Variants in ZSWIM5 observed in about 807,000 individuals in gnomAD.
ZSWIM5 encodes the protein zinc finger SWIM domain-containing protein 5.
In ZSWIM5, 55 loss-of-function variants were observed where a neutral mutation model predicts 119.6. The observed-to-expected ratio is 0.46, with a 90% CI of 0.37 to 0.58. The LOEUF is 0.58. Among genes scored for constraint, ZSWIM5 ranks in the 20% least tolerant of loss-of-function variants. The pLI is 0.00. For synonymous variants in ZSWIM5, 537 were observed against 606.9 expected (o/e 0.88, Z 1.69); for missense variants, 1,193 against 1,512.8 (o/e 0.79, Z 3.51).
Position 45,060,218 on chromosome 1 carries a change from T to A in ZSWIM5, c.982A>T (p.Ile328Phe), listed in dbSNP as rs745597839. The change falls in exon 3 of 14, where the codon ATT becomes TTT. Residue 328 changes from isoleucine to phenylalanine, a missense_variant. By Grantham distance (21) the Ile-to-Phe change is conservative. Coordinates refer to ENST00000359600, the MANE Select transcript of ZSWIM5 (RefSeq NM_020883.2). ...GAPDPTAGASIDDENCWHLDE... is the reference protein window; with the variant it reads ...GAPDPTAGASFDDENCWHLDE... ...AAATGCCAACAGTTCTCATCGTCAA[T>A]GCTGGCCCCAGCTGTGGGGTCAGGG... The A allele has an allele frequency of 1.2e-6, 2 of 1,614,084 alleles. No homozygotes were observed. The highest frequency in any genetic ancestry group is 2.2e-5 in the South Asian group (2 of 91,072).
At chr1:45,083,427 T>G (rs2149009758) in intron 2 of ZSWIM5, among the ~76,000 whole-genome samples, 1 of 152,206 alleles carries the variant, frequency 6.6e-6, no homozygotes, top group South Asian at 2.1e-4. Context: ...ATTTTTTGCT[T>G]TTTTGTAGAG....
At chr1:45,027,640 C>T (rs563177606) in intron 11 of ZSWIM5, among the ~76,000 whole-genome samples, 2 of 152,230 alleles carry the variant, frequency 1.3e-5, no homozygotes, top group African/African-American at 4.8e-5. Flanking sequence ...ATATGATTGC[C>T]TCGGCCTCTC....
intron 1 of ZSWIM5, among the ~76,000 whole-genome samples, chr1:45,165,063 G>C (rs1223891473): frequency 6.6e-6 from 1 of 152,040 alleles, no homozygotes; most frequent in East Asian, 1.9e-4. Context: ...CACATAGTTG[G>C]AAGTAAAGCA....
At chr1:45,044,498 C>A (rs1201493532) in intron 5 of ZSWIM5, among the ~76,000 whole-genome samples, 2 of 149,230 alleles carry the variant, frequency 1.3e-5, no homozygotes, top group African/African-American at 2.5e-5. Context: ...CTGAGGTGGG[C>A]GGATCATGAG....
Position 45,167,917 on chromosome 1 carries a change from A to G in ZSWIM5, c.595+37839T>C, listed in dbSNP as rs369491581. On this transcript the variant is annotated intron_variant, in intron 1 of 13. Coordinates refer to ENST00000359600, the MANE Select transcript of ZSWIM5 (RefSeq NM_020883.2). ...CAACCATTGTGGAAGACAGTGTGGC[A>G]ATTCCTCAAGGATCTAGAACTAGAA... Among the ~76,000 whole-genome samples, 29 of 152,138 alleles carry G rather than the reference A, an allele frequency of 1.9e-4. 1 individual carries two copies. The highest frequency in any genetic ancestry group is 1.3e-3 in the Admixed American group (20 of 15,264).
At chr1:45,043,632 T>C (rs904165493) in intron 5 of ZSWIM5, among the ~76,000 whole-genome samples, 11 of 152,196 alleles carry the variant, frequency 7.2e-5, no homozygotes, top group African/African-American at 2.4e-4. Flanking sequence ...GTGCTCTTTA[T>C]AGGAATAACC....
At chr1:45,177,834 A>G (rs1396682042) in intron 1 of ZSWIM5, among the ~76,000 whole-genome samples, 1 of 152,092 alleles carries the variant, frequency 6.6e-6, no homozygotes, top group Non-Finnish European at 1.5e-5. Flanking sequence ...CTATGGCACA[A>G]ACAACACTGA....
chr1:45,096,704 T>C (rs960110457), intron 1 of ZSWIM5, among the ~76,000 whole-genome samples: 1 of 152,170 alleles, frequency 6.6e-6, no homozygotes, highest in African/African-American at 2.4e-5. Flanking sequence ...AGCAAAGCCT[T>C]GCCCTGAGAA....
At chr1:45,100,438 T>C (rs1181177164) in intron 1 of ZSWIM5, among the ~76,000 whole-genome samples, 2 of 152,184 alleles carry the variant, frequency 1.3e-5, no homozygotes, top group African/African-American at 2.4e-5. Flanking sequence ...TGCTCGTGGA[T>C]AGGAAGAATC....
intron 2 of ZSWIM5, among the ~76,000 whole-genome samples, chr1:45,068,614 C>T (rs1243927045): frequency 1.3e-5 from 2 of 151,938 alleles, no homozygotes; most frequent in Non-Finnish European, 2.9e-5. Flanking sequence ...TTCTACTTTT[C>T]ACATTTATAT....
chr1:45,080,592 G>A (rs6702389), intron 2 of ZSWIM5, among the ~76,000 whole-genome samples: 22,652 of 152,116 alleles, frequency 0.15, 2,150 homozygotes, highest in African/African-American at 0.26. Flanking sequence ...ACCAGATATT[G>A]TGAGTGCTCA....
chr1:45,105,722 G>T (rs1265429277), intron 1 of ZSWIM5, among the ~76,000 whole-genome samples: 16 of 145,394 alleles, frequency 1.1e-4, no homozygotes, highest in Non-Finnish European at 1.6e-4. Context: ...CCCCGTCGGG[G>T]AAGTGAGGAG....
chr1:45,099,227 A>G (rs1017326110), intron 1 of ZSWIM5, among the ~76,000 whole-genome samples: 2 of 152,220 alleles, frequency 1.3e-5, no homozygotes, highest in African/African-American at 4.8e-5. Flanking sequence ...ATTACCACCA[A>G]TCCCACAGAA....
intron 1 of ZSWIM5, among the ~76,000 whole-genome samples, chr1:45,132,837 C>A (rs1166523815): frequency 6.6e-6 from 1 of 152,110 alleles, no homozygotes; most frequent in East Asian, 1.9e-4. Flanking sequence ...TGTTCAATTC[C>A]CACCTATAAG....
In ZSWIM5 at chr1:45,057,323, A is replaced by G. The variant is rs894331813; in HGVS notation, c.1252+1286T>C. On this transcript the variant is annotated intron_variant, in intron 4 of 13. Transcript: ENST00000359600. The surrounding 1 kb of genome is among the most constrained non-coding windows in gnomAD (Gnocchi z 4.7). Reference sequence around the variant, plus strand: ...TGAGGGTTTCTTGGATGGTAGGTACAGTAATTTGTTAGATATGAAAATGCC... The same window carrying G: ...TGAGGGTTTCTTGGATGGTAGGTACGGTAATTTGTTAGATATGAAAATGCC... Among the ~76,000 whole-genome samples the G allele has an allele frequency of 3.9e-5, 6 of 152,262 alleles. No individual in the cohort carries two copies. The highest frequency in any genetic ancestry group is 1.4e-4 in the African/African-American group (6 of 41,474).
Position 45,039,228 on chromosome 1 carries a change from A to G in ZSWIM5, c.1757-155T>C, listed in dbSNP as rs1197421573. On this transcript the variant is annotated intron_variant, in intron 7 of 13. Transcript: ENST00000359600. ...CCTTGGGTTGATACGGCTGGCCACAAACATACCAGCCAGCTATAAGGTCAC... is the reference window on the plus strand; with the variant it reads ...CCTTGGGTTGATACGGCTGGCCACAGACATACCAGCCAGCTATAAGGTCAC... Among the ~76,000 whole-genome samples the G allele has an allele frequency of 4.6e-5, 7 of 152,290 alleles. No individual in the cohort carries two copies. In the East Asian group the frequency reaches 1.2e-3, roughly 25 times the overall value.
intron 1 of ZSWIM5, among the ~76,000 whole-genome samples, chr1:45,134,656 CT>C (rs1261484478): frequency 6.6e-6 from 1 of 152,188 alleles, no homozygotes; most frequent in East Asian, 1.9e-4. Context: ...TCATTTCCTT[CT>C]TTTTGGTTTA....
At position 45,072,589 on chromosome 1, in the gene ZSWIM5, G is replaced by C. The variant is rs1003138745; in HGVS notation, c.953-12342C>G. Reference sequence around the variant, plus strand: ...TTAAGTCTTTAATCCATTTTTATCTGATTTTTGTATATGGCTAGAGATAGG... The same window carrying C: ...TTAAGTCTTTAATCCATTTTTATCTCATTTTTGTATATGGCTAGAGATAGG... On this transcript the variant is annotated intron_variant, in intron 2 of 13. Transcript: ENST00000359600. The surrounding 1 kb of genome is among the most constrained non-coding windows in gnomAD (Gnocchi z 4.1). Among the ~76,000 whole-genome samples, 3 of 151,920 alleles carry C rather than the reference G, an allele frequency of 2.0e-5. No homozygotes were observed. The highest frequency in any genetic ancestry group is 7.3e-5 in the African/African-American group (3 of 41,234).
chr1:45,114,534 GACTTCAAT>G (rs1645536173), intron 1 of ZSWIM5, among the ~76,000 whole-genome samples: 1 of 151,936 alleles, frequency 6.6e-6, no homozygotes, highest in African/African-American at 2.4e-5. Flanking sequence ...TTTTAGTGGA[GACTTCAAT>G]ACTTCCTTTT....
Sources: allele counts gnomAD v4.1 joint callset (sites outside exome capture counted in the v4.1 genomes callset), GRCh38; gene constraint gnomAD v4.1.1; non-coding constraint Gnocchi (gnomAD v3.1); transcripts MANE v1.5; gene names NCBI Gene and HGNC (gene_info 2026-07-23, HGNC 2026-07-21).